The following SPIDR variants were observed in gnomAD, a reference collection of about 807,000 sequenced individuals.
SPIDR encodes scaffold protein involved in DNA repair.
Under a neutral mutation model 104.6 loss-of-function variants are expected in SPIDR, and 93 were observed. That is an observed-to-expected ratio of 0.89 (90% CI 0.75 to 1.06). The LOEUF (loss-of-function observed/expected upper bound fraction) is 1.06, where lower values mean the gene tolerates loss of function less well. SPIDR is among the 50% of genes least tolerant of loss of function. The pLI, the probability that SPIDR is intolerant of heterozygous loss-of-function variation, is 0.00. For missense variants in SPIDR, 1,154 were observed against 1,111.2 expected (o/e 1.04, Z -0.55); for synonymous variants, 431 against 416.9 (o/e 1.03, Z -0.41).
At chr8:47,558,283 T>G (rs1443260128) in intron 8 of SPIDR, among the ~76,000 whole-genome samples, 1 of 152,170 alleles carries the variant, frequency 6.6e-6, no homozygotes, top group East Asian at 1.9e-4. Context: ...AACCTGCATG[T>G]GTATCCCTTA....
chr8:47,496,360 G>T (rs1375619802), intron 8 of SPIDR, among the ~76,000 whole-genome samples: 1 of 152,190 alleles, frequency 6.6e-6, no homozygotes, highest in East Asian at 1.9e-4. Context: ...GTCAGTTTGA[G>T]GAAGTTGTCT....
intron 6 of SPIDR, among the ~76,000 whole-genome samples, chr8:47,403,056 A>T (rs1442418996): frequency 1.3e-5 from 2 of 152,236 alleles, no homozygotes; most frequent in Non-Finnish European, 2.9e-5. Context: ...AGCATACGCA[A>T]ATCAGTAAAC....
chr8:47,403,960 G>A (rs1490133648), intron 6 of SPIDR, among the ~76,000 whole-genome samples: 1 of 152,150 alleles, frequency 6.6e-6, no homozygotes, highest in Non-Finnish European at 1.5e-5. Context: ...ATACTACAAA[G>A]CTACAGTAAG....
chr8:47,605,898 A>G, intron 10 of SPIDR, among the ~76,000 whole-genome samples: 1 of 152,200 alleles, frequency 6.6e-6, no homozygotes, highest in East Asian at 1.9e-4. Context: ...CGCATTACAA[A>G]TCAGCACTCA....
intron 10 of SPIDR, among the ~76,000 whole-genome samples, chr8:47,632,929 GA>G (rs761407767): frequency 2.0e-5 from 3 of 152,158 alleles, no homozygotes; most frequent in Non-Finnish European, 2.9e-5. Flanking sequence ...GGCTGAGCTG[GA>G]ACTTGAAACC....
chr8:47,722,448 G>A (rs556101911), intron 16 of SPIDR, among the ~76,000 whole-genome samples: 3 of 152,230 alleles, frequency 2.0e-5, no homozygotes, highest in African/African-American at 7.2e-5. Context: ...TAATCTTAAG[G>A]GTTAACCATG....
At chr8:47,698,794 C>T (rs981694754) in intron 11 of SPIDR, among the ~76,000 whole-genome samples, 2 of 152,180 alleles carry the variant, frequency 1.3e-5, no homozygotes, top group Non-Finnish European at 2.9e-5. Context: ...CAATATGTCA[C>T]AGGTGCCTTT....
At chr8:47,723,540 C>T (rs2083739851) in intron 16 of SPIDR, among the ~76,000 whole-genome samples, 1 of 150,518 alleles carries the variant, frequency 6.6e-6, no homozygotes, top group Non-Finnish European at 1.5e-5. Context: ...TGCCATTCTT[C>T]TGCCTCAGCC....
At chr8:47,684,717 T>C (rs1047710589) in intron 11 of SPIDR, among the ~76,000 whole-genome samples, 1 of 152,232 alleles carries the variant, frequency 6.6e-6, no homozygotes, top group African/African-American at 2.4e-5. Context: ...CTTTGTTGTC[T>C]TGTTTTTACA....
intron 5 of SPIDR, among the ~76,000 whole-genome samples, chr8:47,363,144 ATC>A (rs2056429522): frequency 6.6e-6 from 1 of 150,512 alleles, no homozygotes; most frequent in Non-Finnish European, 1.5e-5. Context: ...TAGCAAAAGC[ATC>A]TCTGAGGGAA....
At chr8:47,360,263 A>AG (rs2055564133) in intron 5 of SPIDR, among the ~76,000 whole-genome samples, 1 of 150,314 alleles carries the variant, frequency 6.7e-6, no homozygotes, top group Non-Finnish European at 1.5e-5. Context: ...AAAAAAAAAA[A>AG]AAAAAAAAGA....
At chr8:47,297,627 G>A (rs997407435) in intron 5 of SPIDR, among the ~76,000 whole-genome samples, 1 of 151,948 alleles carries the variant, frequency 6.6e-6, no homozygotes, top group East Asian at 1.9e-4. Flanking sequence ...CCCACGACAG[G>A]CGCCGGTGTG....
Position 47,735,743 on chromosome 8 carries a change from GAA to G in SPIDR, c.*299_*300del, listed in dbSNP as rs953436723. On this transcript the variant is annotated 3_prime_UTR_variant, in exon 20 of 20. Coordinates refer to ENST00000297423, the MANE Select transcript of SPIDR (RefSeq NM_001080394.4). ...CATTTGGTATTTAGGCAATATATGAGAAAAAAATTTTTTTTGTTCATTTGTAA... is the reference window on the plus strand; with the variant it reads ...CATTTGGTATTTAGGCAATATATGAGAAAAATTTTTTTTGTTCATTTGTAA... 2.4e-5 allele frequency: 15 copies of G among 618,990 alleles called. No homozygotes were observed. The African/African-American group carries it at 2.8e-4, about 11-fold the overall frequency. The allele number at this position is 618,990 out of a possible 1,614,324, so 38.3% of individuals were successfully genotyped here.
chr8:47,274,527 G>GCTCC (rs2035975557), intron 1 of SPIDR, among the ~76,000 whole-genome samples: 1 of 151,598 alleles, frequency 6.6e-6, no homozygotes, highest in East Asian at 1.9e-4. Context: ...CCCCTTGATT[G>GCTCC]ATAGTTTGGC....
intron 8 of SPIDR, among the ~76,000 whole-genome samples, chr8:47,448,064 A>G (rs1276170954): frequency 6.6e-6 from 1 of 152,228 alleles, no homozygotes; most frequent in Non-Finnish European, 1.5e-5. Flanking sequence ...CAGTATCTCC[A>G]AGATATGACT....
intron 8 of SPIDR, chr8:47,512,042 G>C (rs1206005518): frequency 2.9e-6 from 2 of 699,510 alleles, no homozygotes; most frequent in Non-Finnish European, 5.2e-6. Context: ...AGCGCAATCT[G>C]CAAGTCCCAG....
At chr8:47,703,124 GC>G (rs2080561287) in intron 14 of SPIDR, among the ~76,000 whole-genome samples, 1 of 152,142 alleles carries the variant, frequency 6.6e-6, no homozygotes, top group African/African-American at 2.4e-5. Flanking sequence ...CAGACCTCAT[GC>G]CATTTCACCC....
intron 5 of SPIDR, among the ~76,000 whole-genome samples, chr8:47,344,782 G>T (rs1554616433): frequency 6.6e-6 from 1 of 152,188 alleles, no homozygotes; most frequent in African/African-American, 2.4e-5. Context: ...AGAAGTGTCT[G>T]TTCATGTCCT....
intron 8 of SPIDR, chr8:47,527,987 G>T (rs1225829773): frequency 6.6e-6 from 1 of 152,112 alleles, no homozygotes; most frequent in Non-Finnish European, 1.5e-5. Flanking sequence ...CTGGTTCTGT[G>T]GAAAGACTCT....
Sources: gnomAD v4.1 joint callset for allele counts (sites outside exome capture counted in the v4.1 genomes callset) on GRCh38, gnomAD v4.1.1 for gene constraint, MANE v1.5 for transcripts, NCBI Gene and HGNC (gene_info 2026-07-23, HGNC 2026-07-21) for gene names.